ATP2C2: variants seen among roughly 807,000 people sequenced by gnomAD.
The protein encoded by ATP2C2 is calcium-transporting ATPase type 2C member 2.
ATP2C2 carries 171 observed loss-of-function variants against 110.8 expected under a neutral mutation model. That is an observed-to-expected ratio of 1.54 (90% CI 1.36 to 1.75). The LOEUF is 1.75. Among genes scored for constraint, ATP2C2 ranks in the 40% most tolerant of loss-of-function variants. The pLI is 0.00. For missense variants in ATP2C2, 1,963 were observed against 1,235.0 expected (o/e 1.59, Z -8.84); for synonymous variants, 804 against 508.4 (o/e 1.58, Z -7.82).
intron 14 of ATP2C2, among the ~76,000 whole-genome samples, chr16:84,441,959 T>TAGTA (rs111546062): frequency 0.66 from 96,577 of 146,126 alleles, 31,433 homozygotes; most frequent in East Asian, 0.92. Context: ...TATGCAAAAC[T>TAGTA]AGTAATAATA....
At chr16:84,417,441 C>A (rs1344650606) in intron 7 of ATP2C2, among the ~76,000 whole-genome samples, 2 of 152,216 alleles carry the variant, frequency 1.3e-5, no homozygotes, top group African/African-American at 4.8e-5. Context: ...CTGTGCTTAG[C>A]ACATGCCTTT....
At chr16:84,400,033 C>G (rs1241611502) in intron 2 of ATP2C2, among the ~76,000 whole-genome samples, 4 of 152,170 alleles carry the variant, frequency 2.6e-5, no homozygotes, top group Non-Finnish European at 5.9e-5. Flanking sequence ...CTGGAGGTCA[C>G]TATGTTATTT....
intron 1 of ATP2C2, among the ~76,000 whole-genome samples, chr16:84,395,711 G>A (rs1770227199): frequency 6.6e-6 from 1 of 151,342 alleles, no homozygotes; most frequent in Non-Finnish European, 1.5e-5. Context: ...TGTTGGCCAG[G>A]CTGGTCTCGA....
intron 23 of ATP2C2, chr16:84,459,660 C>T (rs1911076595): frequency 1.0e-5 from 14 of 1,374,428 alleles, no homozygotes; most frequent in South Asian, 6.4e-5. Flanking sequence ...GGCTCATTCT[C>T]ATGCTTCATT....
Position 84,410,783 on chromosome 16 carries a change from T to C in ATP2C2, c.515+18T>C, listed in dbSNP as rs1906212994. 3 of 1,610,818 alleles carry C rather than the reference T, an allele frequency of 1.9e-6. No homozygotes were observed. Among genetic ancestry groups the C allele is most frequent in the East Asian group, 2.2e-5 (1 of 44,882 alleles). ...TGTAACTGGTAAGTCAGAGCCTCCC[T>C]GGGACTTTTTGGTTCACTGGAGGAG... On this transcript the variant is annotated intron_variant, in intron 6 of 26. Coordinates refer to ENST00000262429, the MANE Select transcript of ATP2C2 (RefSeq NM_014861.4).
chr16:84,383,520 A>G (rs1326749497), intron 1 of ATP2C2, among the ~76,000 whole-genome samples: 3 of 152,180 alleles, frequency 2.0e-5, no homozygotes, highest in Admixed American at 6.5e-5. Flanking sequence ...CCATACCGTT[A>G]TTCTGGAATC....
At chr16:84,437,929 T>C (rs1792660147) in intron 11 of ATP2C2, among the ~76,000 whole-genome samples, 1 of 152,222 alleles carries the variant, frequency 6.6e-6, no homozygotes, top group Non-Finnish European at 1.5e-5. Flanking sequence ...TTCTTTCTTG[T>C]GTAGATTTCC....
intron 11 of ATP2C2, among the ~76,000 whole-genome samples, chr16:84,435,137 A>G (rs1908624876): frequency 6.6e-6 from 1 of 152,190 alleles, no homozygotes; most frequent in African/African-American, 2.4e-5. Flanking sequence ...TTGTAATTGG[A>G]ATTTGTTGCC....
At chr16:84,389,720 C>CTTTT (rs3085090) in intron 1 of ATP2C2, among the ~76,000 whole-genome samples, 1 of 120,196 alleles carries the variant, frequency 8.3e-6, no homozygotes, top group African/African-American at 3.2e-5. Context: ...TCACTGTTTC[C>CTTTT]TTTTTTTTTT....
intron 17 of ATP2C2, among the ~76,000 whole-genome samples, chr16:84,450,131 G>A (rs140360261): frequency 9.0e-4 from 137 of 152,362 alleles, no homozygotes; most frequent in African/African-American, 3.1e-3. Flanking sequence ...GGAGCAGTGA[G>A]ACCTTTTCCT....
chr16:84,433,209 C>G (rs1284812173), intron 11 of ATP2C2, among the ~76,000 whole-genome samples: 2 of 152,008 alleles, frequency 1.3e-5, no homozygotes, highest in African/African-American at 2.4e-5. Context: ...GTGAGACTGT[C>G]TGTACAAAAA....
rs201939471 is a variant in ATP2C2, at chr16:84,424,768, G to A, written c.920-967G>A. 1.2e-4 allele frequency among the ~76,000 whole-genome samples: 19 copies of A among 152,152 alleles called. No homozygotes were observed. In the East Asian group the frequency reaches 1.9e-3, roughly 15 times the overall value. On this transcript the variant is annotated intron_variant, in intron 10 of 26. Coordinates refer to ENST00000262429, the MANE Select transcript of ATP2C2 (RefSeq NM_014861.4). ...TGGTGCAAATACTCTCAGTGTGGCC[G>A]TTTTCAAGCTACTAATGTATAGACA...
At chr16:84,455,427 T>C (rs17815700) in intron 21 of ATP2C2, among the ~76,000 whole-genome samples, 15,352 of 152,170 alleles carry the variant, frequency 0.1, 994 homozygotes, top group Non-Finnish European at 0.14. Context: ...TTGATACATA[T>C]ATCTCAGGCA....
At chr16:84,449,607 G>C (rs969430660) in intron 17 of ATP2C2, among the ~76,000 whole-genome samples, 2 of 152,194 alleles carry the variant, frequency 1.3e-5, no homozygotes, top group African/African-American at 4.8e-5. Context: ...TGGCAGAGAA[G>C]CCAGGCCCAG....
chr16:84,443,859 T>C (rs2150572144), intron 15 of ATP2C2, among the ~76,000 whole-genome samples: 1 of 152,242 alleles, frequency 6.6e-6, no homozygotes, highest in South Asian at 2.1e-4. Context: ...CAGGTGCTTT[T>C]CCCCAGTGTA....
intron 1 of ATP2C2, among the ~76,000 whole-genome samples, chr16:84,390,003 C>T (rs924209179): frequency 2.0e-5 from 3 of 152,082 alleles, no homozygotes; most frequent in Non-Finnish European, 4.4e-5. Context: ...GATTACAGGC[C>T]TGAGCCACCA....
Position 84,415,455 on chromosome 16 carries a change from C to A in ATP2C2, c.516-28C>A, listed in dbSNP as rs747640593. 9.5e-6 allele frequency: 15 copies of A among 1,583,810 alleles called. No individual in the cohort carries two copies. In the South Asian group the frequency reaches 1.4e-4, roughly 15 times the overall value. ...ATAAAAACAAATGTCAGCATGGATG[C>A]TTTTGCTTTTTACCATGTCAAATGC... is the stretch of plus-strand genomic sequence containing the variant. On this transcript the variant is annotated intron_variant, in intron 6 of 26. Coordinates refer to ENST00000262429, the MANE Select transcript of ATP2C2 (RefSeq NM_014861.4).
At chr16:84,412,635 T>C in intron 6 of ATP2C2, among the ~76,000 whole-genome samples, 1 of 152,150 alleles carries the variant, frequency 6.6e-6, no homozygotes, top group East Asian at 1.9e-4. Context: ...CATTCTAAGC[T>C]TAACTTTTAG....
At chr16:84,445,207 CCT>C (rs1428059927) in intron 15 of ATP2C2, among the ~76,000 whole-genome samples, 3 of 148,756 alleles carry the variant, frequency 2.0e-5, no homozygotes, top group African/African-American at 7.4e-5. Flanking sequence ...GCAGCGTTTT[CCT>C]CTTTTTTTTT....
Sources: allele counts gnomAD v4.1 joint callset (sites outside exome capture counted in the v4.1 genomes callset), GRCh38; gene constraint gnomAD v4.1.1; transcripts MANE v1.5; gene names NCBI Gene and HGNC (gene_info 2026-07-23, HGNC 2026-07-21).